RAD51B: variants seen among roughly 807,000 people sequenced by gnomAD.
RAD51B encodes DNA repair protein RAD51 homolog 2.
RAD51B carries 38 observed loss-of-function variants against 42.2 expected under a neutral mutation model. The ratio of observed to expected loss-of-function variants is 0.90; its 90% CI spans 0.70 to 1.18. RAD51B has a LOEUF of 1.18. Among genes scored for constraint, RAD51B ranks in the 50% most tolerant of loss-of-function variants. RAD51B has a pLI of 0.00. For synonymous variants in RAD51B, 154 were observed against 145.2 expected (o/e 1.06, Z -0.43); for missense variants, 373 against 400.7 (o/e 0.93, Z 0.59).
In RAD51B at chr14:68,059,834, A is replaced by G. The variant is rs1298446926; in HGVS notation, c.756+172630A>G. 5.3e-5 allele frequency among the ~76,000 whole-genome samples: 8 copies of G among 152,358 alleles called. No homozygotes were observed. In the South Asian group the frequency reaches 1.0e-3, roughly 20 times the overall value. ...TACTTCTCTATCCCACACATAATGT[A>G]TGTTTCTAGTAAACTGAATTATAAA... On this transcript the variant is annotated intron_variant, in intron 7 of 10. Coordinates refer to ENST00000471583, the MANE Select transcript of RAD51B (RefSeq NM_133510.4).
rs143344672 is a variant in RAD51B at position 68,365,548 on chromosome 14, G to A, written c.854-45876G>A. Reference sequence around the variant, plus strand: ...TAAAGTCTTTTCCAAAACCACATGAGGAATTAATTTCAAAGCTTGAGATTA... The same window carrying A: ...TAAAGTCTTTTCCAAAACCACATGAAGAATTAATTTCAAAGCTTGAGATTA... On this transcript the variant is annotated intron_variant, in intron 8 of 10. Coordinates refer to ENST00000471583, the MANE Select transcript of RAD51B (RefSeq NM_133510.4). Among the ~76,000 whole-genome samples, 319 of 152,318 alleles carry A rather than the reference G, an allele frequency of 2.1e-3. No individual in the cohort carries two copies. The Middle Eastern group carries it at 0.024, about 11-fold the overall frequency.
intron 9 of RAD51B, among the ~76,000 whole-genome samples, chr14:68,418,747 C>T (rs370160699): frequency 6.6e-6 from 1 of 152,202 alleles, no homozygotes; most frequent in Non-Finnish European, 1.5e-5. Flanking sequence ...TTATTTGGCT[C>T]ATTTGAGAAT....
intron 10 of RAD51B, among the ~76,000 whole-genome samples, chr14:68,483,345 G>T (rs1883351144): frequency 6.6e-6 from 1 of 152,202 alleles, no homozygotes; most frequent in Non-Finnish European, 1.5e-5. Context: ...TTATGGGGTA[G>T]TGTTCAGGAA....
chr14:68,070,819 CAT>C (rs1425958646), intron 7 of RAD51B, among the ~76,000 whole-genome samples: 4 of 150,548 alleles, frequency 2.7e-5, no homozygotes, highest in African/African-American at 9.8e-5. Flanking sequence ...TTATGTGAAA[CAT>C]GTCATTGGTA....
intron 7 of RAD51B, among the ~76,000 whole-genome samples, chr14:68,099,372 T>C (rs1171851086): frequency 6.6e-6 from 1 of 152,246 alleles, no homozygotes; most frequent in Non-Finnish European, 1.5e-5. Flanking sequence ...TAGATATAGA[T>C]ACTACTGATT....
chr14:68,447,883 A>T (rs2085459306), intron 9 of RAD51B, among the ~76,000 whole-genome samples: 1 of 152,230 alleles, frequency 6.6e-6, no homozygotes, highest in African/African-American at 2.4e-5. Flanking sequence ...GGCATCAAAT[A>T]AGTAACTAAG....
At chr14:68,395,499 A>G (rs2083890349) in intron 8 of RAD51B, among the ~76,000 whole-genome samples, 1 of 152,230 alleles carries the variant, frequency 6.6e-6, no homozygotes, top group South Asian at 2.1e-4. Flanking sequence ...CTCTTTAAAG[A>G]AGGAATCCTC....
At chr14:68,277,830 C>G (rs560141787) in intron 7 of RAD51B, among the ~76,000 whole-genome samples, 3 of 152,096 alleles carry the variant, frequency 2.0e-5, no homozygotes, top group Non-Finnish European at 4.4e-5. Context: ...CCTCCGTCTC[C>G]CAGGTTCAAG....
intron 10 of RAD51B, chr14:68,497,771 A>G (rs2140293448): frequency 4.5e-6 from 1 of 224,240 alleles, no homozygotes; most frequent in East Asian, 6.5e-5. Flanking sequence ...TATAAATGGA[A>G]TCATATAGTG....
At chr14:68,214,032 G>A (rs2079764450) in intron 7 of RAD51B, among the ~76,000 whole-genome samples, 1 of 152,140 alleles carries the variant, frequency 6.6e-6, no homozygotes, top group African/African-American at 2.4e-5. Flanking sequence ...AATGTGGCCT[G>A]ATCTGTGGCT....
chr14:68,541,200 C>G lies in RAD51B; in HGVS notation c.1037-53285C>G, dbSNP rs114056638. ...ACCAGGGAGAGGCTGCAGATCCTTT[C>G]TCTGCTCAGCTCCGTTCGGGCTCCT... On this transcript the variant is annotated intron_variant, in intron 10 of 10. Coordinates refer to the RAD51B transcript ENST00000487270. The G allele has an allele frequency of 6.8e-4, 675 of 985,436 alleles. 5 individuals carry two copies. The African/African-American group carries it at 0.011, about 16-fold the overall frequency. The allele number at this position is 985,436 out of a possible 1,614,324, so 61.0% of individuals were successfully genotyped here.
At chr14:68,676,553 C>T (rs1013352937) in intron 11 of RAD51B, among the ~76,000 whole-genome samples, 1 of 152,226 alleles carries the variant, frequency 6.6e-6, no homozygotes, top group Non-Finnish European at 1.5e-5. Context: ...CGTGACATGC[C>T]TGCAGTTGCA....
At chr14:67,823,336 C>T (rs941355957) in intron 1 of RAD51B, among the ~76,000 whole-genome samples, 6 of 152,144 alleles carry the variant, frequency 3.9e-5, no homozygotes, top group Admixed American at 1.3e-4. Context: ...GCCTGTTTGA[C>T]GAACAATTGT....
intron 7 of RAD51B, among the ~76,000 whole-genome samples, chr14:68,125,866 C>G (rs1444893731): frequency 6.6e-6 from 1 of 151,968 alleles, no homozygotes; most frequent in Non-Finnish European, 1.5e-5. Flanking sequence ...AACTGTAGCT[C>G]CATTGAAACT....
chr14:68,619,963 A>C (rs1262358678), intron 10 of RAD51B, among the ~76,000 whole-genome samples: 1 of 152,102 alleles, frequency 6.6e-6, no homozygotes, highest in African/African-American at 2.4e-5. Context: ...CCTTGCCCCA[A>C]ATATAATGTA....
intron 7 of RAD51B, among the ~76,000 whole-genome samples, chr14:68,103,529 A>G (rs1268013603): frequency 6.6e-6 from 1 of 152,222 alleles, no homozygotes; most frequent in African/African-American, 2.4e-5. Context: ...ATTCTAAATT[A>G]TTACTCTTAC....
intron 10 of RAD51B, chr14:68,627,177 T>C (rs1043636341): frequency 6.6e-5 from 10 of 152,146 alleles, no homozygotes; most frequent in African/African-American, 2.2e-4. Flanking sequence ...TGCCATGAAA[T>C]TGTTTATCTG....
At chr14:68,155,824 A>C (rs1032615565) in intron 7 of RAD51B, among the ~76,000 whole-genome samples, 5 of 152,232 alleles carry the variant, frequency 3.3e-5, no homozygotes, top group Non-Finnish European at 7.3e-5. Flanking sequence ...TGCAGTTTTC[A>C]GCAAGTGTGA....
chr14:67,944,524 T>C lies in RAD51B; in HGVS notation c.756+57320T>C, dbSNP rs189718591. Among the ~76,000 whole-genome samples the C allele has an allele frequency of 6.4e-3, 978 of 152,302 alleles. 11 individuals carry two copies. Among genetic ancestry groups the C allele is most frequent in the Middle Eastern group, 0.02 (6 of 294 alleles). ...AATGTCATATTTTAAAATTCAGCTA[T>C]ATTTTAATAGGCCTTAAAAATACAG... On this transcript the variant is annotated intron_variant, in intron 7 of 10. Transcript: ENST00000471583.
Sources: allele counts gnomAD v4.1 joint callset (sites outside exome capture counted in the v4.1 genomes callset), GRCh38; gene constraint gnomAD v4.1.1; transcripts MANE v1.5; gene names NCBI Gene and HGNC (gene_info 2026-07-23, HGNC 2026-07-21).